The following COL24A1 variants were observed in gnomAD, a reference collection of about 807,000 sequenced individuals.
COL24A1 encodes collagen type XXIV alpha 1 chain, also known as collagen alpha-1(XXIV) chain.
In COL24A1, 224 loss-of-function variants were observed where a neutral mutation model predicts 253.9. The observed-to-expected ratio is 0.88, with a 90% CI of 0.79 to 0.99. The LOEUF (loss-of-function observed/expected upper bound fraction) is 0.99, where lower values mean the gene tolerates loss of function less well. Ranked by LOEUF, COL24A1 falls within the 50% of genes least tolerant of loss-of-function variation. COL24A1 has a pLI of 0.00. For synonymous variants in COL24A1, 685 were observed against 673.7 expected (o/e 1.02, Z -0.26); for missense variants, 2,131 against 2,068.5 (o/e 1.03, Z -0.59).
chr1:85,737,720 C>T (rs1447163008), intron 57 of COL24A1, among the ~76,000 whole-genome samples: 5 of 152,066 alleles, frequency 3.3e-5, no homozygotes, highest in Non-Finnish European at 5.9e-5. Flanking sequence ...TGGGCCACCA[C>T]ACCCGGCTAA....
chr1:85,825,438 C>A (rs1311842611), intron 43 of COL24A1, among the ~76,000 whole-genome samples: 1 of 152,134 alleles, frequency 6.6e-6, no homozygotes, highest in Non-Finnish European at 1.5e-5. Flanking sequence ...GTTATATACC[C>A]AGTAATGGGA....
intron 32 of COL24A1, among the ~76,000 whole-genome samples, chr1:85,882,784 C>T (rs1445649461): frequency 6.6e-6 from 1 of 152,138 alleles, no homozygotes; most frequent in East Asian, 1.9e-4. Flanking sequence ...TATTTTGATG[C>T]TCCGTCGTCA....
intron 32 of COL24A1, among the ~76,000 whole-genome samples, chr1:85,884,096 T>C (rs1395630732): frequency 6.6e-6 from 1 of 152,228 alleles, no homozygotes; most frequent in Non-Finnish European, 1.5e-5. Flanking sequence ...GGTCTGCTAG[T>C]GACAAATTCT....
intron 43 of COL24A1, among the ~76,000 whole-genome samples, chr1:85,825,750 T>G (rs1267480703): frequency 7.3e-6 from 1 of 137,522 alleles, no homozygotes; most frequent in Non-Finnish European, 1.6e-5. Context: ...TCATGTCCTT[T>G]GCCCACTTTT....
chr1:85,969,580 G>A (rs1435251546), intron 22 of COL24A1, among the ~76,000 whole-genome samples: 2 of 118,180 alleles, frequency 1.7e-5, no homozygotes, highest in Non-Finnish European at 1.6e-5. Context: ...ACTCCAGCCT[G>A]GATGACAGAG....
intron 19 of COL24A1, among the ~76,000 whole-genome samples, chr1:86,009,565 CAT>C (rs1696309622): frequency 6.6e-6 from 1 of 151,998 alleles, no homozygotes; most frequent in African/African-American, 2.4e-5. Flanking sequence ...TCTATATAAA[CAT>C]AGAAATGGTA....
intron 7 of COL24A1, among the ~76,000 whole-genome samples, chr1:86,084,962 A>T (rs1702950670): frequency 6.6e-6 from 1 of 152,150 alleles, no homozygotes; most frequent in South Asian, 2.1e-4. Context: ...CTCAAAGTAA[A>T]ACACACCTCT....
At chr1:85,865,943 G>C (rs1357228702) in intron 37 of COL24A1, among the ~76,000 whole-genome samples, 2 of 152,146 alleles carry the variant, frequency 1.3e-5, no homozygotes, top group Non-Finnish European at 2.9e-5. Flanking sequence ...TTAACCCATG[G>C]GTAAGCGAGG....
At chr1:86,085,739 A>T (rs1043492585) in intron 7 of COL24A1, among the ~76,000 whole-genome samples, 1 of 152,218 alleles carries the variant, frequency 6.6e-6, no homozygotes, top group Non-Finnish European at 1.5e-5. Context: ...AATATACTTC[A>T]GTTCCTAGTA....
intron 2 of COL24A1, among the ~76,000 whole-genome samples, chr1:86,144,742 CT>C (rs1572070968): frequency 6.6e-6 from 1 of 151,990 alleles, no homozygotes; most frequent in African/African-American, 2.4e-5. Flanking sequence ...TAAGCTTTTA[CT>C]TGGAGGTGGT....
chr1:86,014,042 AACT>A (rs1696777089), intron 19 of COL24A1, among the ~76,000 whole-genome samples: 1 of 152,166 alleles, frequency 6.6e-6, no homozygotes, highest in Non-Finnish European at 1.5e-5. Flanking sequence ...GACCTCTTTC[AACT>A]TCTTTCTTCT....
chr1:85,746,592 G>T (rs772682655), intron 55 of COL24A1, among the ~76,000 whole-genome samples: 13 of 152,274 alleles, frequency 8.5e-5, no homozygotes, highest in Non-Finnish European at 1.5e-4. Context: ...AGAAATTAGA[G>T]AAATTAATCA....
Position 85,907,204 on chromosome 1 carries a change from T to A in COL24A1, c.2768A>T (p.Lys923Ile). The A allele has an allele frequency of 1.2e-6, 2 of 1,611,386 alleles. No homozygotes were observed. The highest frequency in any genetic ancestry group is 2.2e-5 in the South Asian group (2 of 90,960). The change falls in exon 28 of 60, where the codon AAA (lysine) becomes ATA (isoleucine). Residue 923 changes from lysine (K) to isoleucine (I), a missense_variant. Transcript: ENST00000370571. Reference sequence around the variant, plus strand: ...CCTTAGATTACTTACTCTTTGTCCTTTAGGACCTTGACTCCCAGGTGGTCC... The same window carrying A: ...CCTTAGATTACTTACTCTTTGTCCTATAGGACCTTGACTCCCAGGTGGTCC... ...ARGPPGSQGP[K>I]GQRGSRGPDG... is the part of the protein sequence containing the mutation.
intron 2 of COL24A1, among the ~76,000 whole-genome samples, chr1:86,142,743 A>G (rs2102398981): frequency 6.6e-6 from 1 of 152,228 alleles, no homozygotes; most frequent in East Asian, 1.9e-4. Context: ...TAAATATATC[A>G]GGAAGAAAAA....
intron 24 of COL24A1, among the ~76,000 whole-genome samples, chr1:85,924,588 G>A (rs1686960139): frequency 6.6e-6 from 1 of 152,164 alleles, no homozygotes; most frequent in Non-Finnish European, 1.5e-5. Flanking sequence ...TATCTCAATA[G>A]ATGCAGAAAA....
chr1:85,880,694 A>G (rs1049236304), intron 32 of COL24A1, among the ~76,000 whole-genome samples: 3 of 148,242 alleles, frequency 2.0e-5, no homozygotes, highest in African/African-American at 7.5e-5. Context: ...CAAAAAGCTG[A>G]GGAAGTGCCC....
intron 7 of COL24A1, among the ~76,000 whole-genome samples, chr1:86,070,830 C>T (rs1427478723): frequency 1.3e-5 from 2 of 151,568 alleles, no homozygotes; most frequent in Admixed American, 6.6e-5. Flanking sequence ...ACAAAAAATG[C>T]TAAAGGGAGT....
chr1:85,796,718 A>T (rs17128335), intron 47 of COL24A1, among the ~76,000 whole-genome samples: 1 of 152,206 alleles, frequency 6.6e-6, no homozygotes, highest in Non-Finnish European at 1.5e-5. Flanking sequence ...TGAAAAGATG[A>T]TACCCAATAA....
At chr1:85,735,024 A>G in intron 58 of COL24A1, 60 bp from the exon 59 acceptor site, 1 of 1,527,276 alleles carries the variant, frequency 6.5e-7, no homozygotes, top group Admixed American at 1.8e-5. Context: ...TTAACAGTTC[A>G]GGAAAACCTG....
Sources: allele counts gnomAD v4.1 joint callset (sites outside exome capture counted in the v4.1 genomes callset), GRCh38; gene constraint gnomAD v4.1.1; transcripts MANE v1.5; gene names NCBI Gene and HGNC (gene_info 2026-07-23, HGNC 2026-07-21).